SH3RF1: variants seen among roughly 807,000 people sequenced by gnomAD.
SH3RF1 encodes SH3 domain containing ring finger 1, also known as E3 ubiquitin-protein ligase SH3RF1.
SH3RF1 carries 32 observed loss-of-function variants against 74.0 expected under a neutral mutation model. The observed-to-expected ratio is 0.43, with a 90% CI of 0.33 to 0.58. The LOEUF is 0.58. Ranked by LOEUF, SH3RF1 falls within the 20% of genes least tolerant of loss-of-function variation. SH3RF1 has a pLI of 0.05. For synonymous variants in SH3RF1, 396 were observed against 439.6 expected, an observed-to-expected ratio of 0.90 and a Z score of 1.24; for missense variants, 954 against 1,130.9, an observed-to-expected ratio of 0.84 and a Z score of 2.24.
At position 169,107,030 on chromosome 4, in the gene SH3RF1, G is replaced by A; in HGVS notation, c.2315C>T (p.Ser772Phe). ...PPGGGHGRAG[S>F]CPVDGDGPVT... Reference sequence around the variant, plus strand: ...CGGTCCGTCCCCGTCCACAGGGCAGGAGCCTGCCCTGCCATGGCCACCTCC... The same window carrying A: ...CGGTCCGTCCCCGTCCACAGGGCAGAAGCCTGCCCTGCCATGGCCACCTCC... The change falls in exon 11 of 12, where the codon TCC (serine) becomes TTC (phenylalanine). Residue 772 changes from serine to phenylalanine, a missense_variant. Ser to Phe is a radical substitution (Grantham distance 155). Around this residue, in one of 3 missense-constraint regions of SH3RF1, gnomAD observed 854 missense variants for 962.5 expected, o/e 0.89. Transcript: ENST00000284637. 1.9e-6 allele frequency: 3 copies of A among 1,613,932 alleles called. No individual in the cohort carries two copies. Among genetic ancestry groups the A allele is most frequent in the Middle Eastern group, 1.7e-4 (1 of 6,052 alleles).
intron 2 of SH3RF1, among the ~76,000 whole-genome samples, chr4:169,242,426 A>C (rs936772243): frequency 3.3e-5 from 5 of 152,232 alleles, no homozygotes; most frequent in Non-Finnish European, 4.4e-5. Context: ...CATATGTCCT[A>C]ATAGCTAAGA....
At chr4:169,149,291 C>T (rs146661363) in intron 4 of SH3RF1, among the ~76,000 whole-genome samples, 3 of 152,256 alleles carry the variant, frequency 2.0e-5, no homozygotes, top group Non-Finnish European at 2.9e-5. Flanking sequence ...ATTAAACAGC[C>T]GTTCCTGGAG....
chr4:169,234,975 G>C (rs1461843412), intron 2 of SH3RF1, among the ~76,000 whole-genome samples: 1 of 152,074 alleles, frequency 6.6e-6, no homozygotes, highest in Non-Finnish European at 1.5e-5. Context: ...TGTCCCTTAA[G>C]AGGCAAGATC....
intron 4 of SH3RF1, among the ~76,000 whole-genome samples, chr4:169,150,358 T>G (rs1319391930): frequency 6.6e-6 from 1 of 152,198 alleles, no homozygotes; most frequent in Non-Finnish European, 1.5e-5. Flanking sequence ...TAACATTTTA[T>G]TTTTTAAATT....
At chr4:169,222,678 C>A (rs2127002580) in intron 2 of SH3RF1, among the ~76,000 whole-genome samples, 1 of 152,020 alleles carries the variant, frequency 6.6e-6, no homozygotes, top group South Asian at 2.1e-4. Context: ...AATCTGAGGA[C>A]AAATTTCAGT....
At chr4:169,228,317 T>A (rs4692700) in intron 2 of SH3RF1, among the ~76,000 whole-genome samples, 46,355 of 152,012 alleles carry the variant, frequency 0.3, 7,185 homozygotes, top group Non-Finnish European at 0.34. Flanking sequence ...AAATTTGTTA[T>A]CTTGCAGTTC....
chr4:169,261,876 T>A (rs901915039), intron 2 of SH3RF1, among the ~76,000 whole-genome samples: 3 of 152,166 alleles, frequency 2.0e-5, no homozygotes, highest in Admixed American at 2.0e-4. Flanking sequence ...TTTCTTACCA[T>A]AAGCATGTAT....
Position 169,116,483 on chromosome 4 carries a change from G to A in SH3RF1, c.1925C>T (p.Thr642Met), listed in dbSNP as rs760338389. ...ACTGATACTGATGGCAGCAGTGTGC[G>A]TGGCTGAGCCTGGCATCAGAGGCGC... Reference protein sequence around the residue: ...QPAPLMPGSATHTAAISISRA... With the variant: ...QPAPLMPGSAMHTAAISISRA... Residue 642 changes from threonine to methionine, a missense_variant, in exon 10 of 12, where the codon ACG becomes ATG. Around this residue, in one of 3 missense-constraint regions of SH3RF1, gnomAD observed 854 missense variants for 962.5 expected, o/e 0.89. Transcript: ENST00000284637. 2.1e-5 allele frequency: 34 copies of A among 1,613,682 alleles called. No homozygotes were observed. Among genetic ancestry groups the A allele is most frequent in the South Asian group, 1.1e-4 (10 of 90,986 alleles).
At chr4:169,205,835 T>C (rs1366240032) in intron 2 of SH3RF1, among the ~76,000 whole-genome samples, 1 of 152,196 alleles carries the variant, frequency 6.6e-6, no homozygotes, top group East Asian at 1.9e-4. Flanking sequence ...ACAAAACCCA[T>C]ATCCTGACTT....
chr4:169,145,604 TTA>T (rs1323427449), intron 4 of SH3RF1, among the ~76,000 whole-genome samples: 2 of 147,630 alleles, frequency 1.4e-5, no homozygotes, highest in African/African-American at 4.9e-5. Flanking sequence ...AATGGTCATA[TTA>T]TATATATTAT....
rs556216045 is a variant in SH3RF1, at chr4:169,243,288, G to A, written c.393+25532C>T. On this transcript the variant is annotated intron_variant, in intron 2 of 11. Coordinates refer to ENST00000284637, the MANE Select transcript of SH3RF1 (RefSeq NM_020870.4). ...TGAACTTTGGGAGGTCGAAGCAGGC[G>A]GACCACCTGAGGTCAGGAGTTCGAG... is the stretch of plus-strand genomic sequence containing the variant. Among the ~76,000 whole-genome samples, 23 of 152,270 alleles carry A rather than the reference G, an allele frequency of 1.5e-4. No individual in the cohort carries two copies. The East Asian group carries it at 1.5e-3, about 10-fold the overall frequency.
intron 8 of SH3RF1, among the ~76,000 whole-genome samples, chr4:169,118,065 C>T (rs557975530): frequency 1.3e-3 from 196 of 152,268 alleles, no homozygotes; most frequent in Non-Finnish European, 2.0e-3. Flanking sequence ...CCAAATATCT[C>T]CACTGACTTT....
At chr4:169,124,452 A>C (rs917305028) in intron 6 of SH3RF1, among the ~76,000 whole-genome samples, 1 of 152,254 alleles carries the variant, frequency 6.6e-6, no homozygotes, top group Non-Finnish European at 1.5e-5. Flanking sequence ...TTTTGCAAAC[A>C]GTGAGAGTTA....
intron 4 of SH3RF1, among the ~76,000 whole-genome samples, chr4:169,144,176 T>A (rs1442404300): frequency 6.6e-6 from 1 of 152,234 alleles, no homozygotes; most frequent in African/African-American, 2.4e-5. Flanking sequence ...TAAAGTGCTA[T>A]ATGAACATGA....
At chr4:169,185,904 C>T (rs1284780992) in intron 2 of SH3RF1, among the ~76,000 whole-genome samples, 2 of 152,112 alleles carry the variant, frequency 1.3e-5, no homozygotes, top group Non-Finnish European at 2.9e-5. Flanking sequence ...GGCAGGATTC[C>T]AAGACTAGAG....
intron 2 of SH3RF1, among the ~76,000 whole-genome samples, chr4:169,206,147 C>A (rs1205316235): frequency 6.6e-6 from 1 of 152,224 alleles, no homozygotes; most frequent in Non-Finnish European, 1.5e-5. Context: ...GCATCTCTTG[C>A]ATATCACAAC....
chr4:169,223,946 C>T (rs1219111236), intron 2 of SH3RF1, among the ~76,000 whole-genome samples: 2 of 152,162 alleles, frequency 1.3e-5, no homozygotes, highest in Non-Finnish European at 1.5e-5. Flanking sequence ...GAAGAAAATA[C>T]GTGAATCAAA....
chr4:169,132,101 G>A (rs1460333963), intron 5 of SH3RF1, among the ~76,000 whole-genome samples: 1 of 152,134 alleles, frequency 6.6e-6, no homozygotes, highest in Non-Finnish European at 1.5e-5. Flanking sequence ...TTCTTTCCTT[G>A]CTTTGTGTGT....
At chr4:169,110,400 A>G (rs1315204711) in intron 10 of SH3RF1, among the ~76,000 whole-genome samples, 1 of 152,130 alleles carries the variant, frequency 6.6e-6, no homozygotes, top group Admixed American at 6.5e-5. Flanking sequence ...TGATCAGTAG[A>G]GACTTCAAGA....
Sources: allele counts gnomAD v4.1 joint callset (sites outside exome capture counted in the v4.1 genomes callset), GRCh38; gene constraint gnomAD v4.1.1; regional missense constraint gnomAD v4.1.1; transcripts MANE v1.5; gene names NCBI Gene and HGNC (gene_info 2026-07-23, HGNC 2026-07-21).